The following RAPGEF4 variants were observed in gnomAD, a reference collection of about 807,000 sequenced individuals.
RAPGEF4 encodes the protein RAP guanine-nucleotide-exchange factor (GEF) 4.
Under a neutral mutation model 147.9 loss-of-function variants are expected in RAPGEF4, and 66 were observed. The ratio of observed to expected loss-of-function variants is 0.45; its 90% CI spans 0.37 to 0.55. The LOEUF is 0.55. Among genes scored for constraint, RAPGEF4 ranks in the 20% least tolerant of loss-of-function variants. The pLI is 0.00. For synonymous variants in RAPGEF4, 419 were observed against 442.7 expected (o/e 0.95, Z 0.67); for missense variants, 1,071 against 1,257.3 (o/e 0.85, Z 2.24).
intron 10 of RAPGEF4, among the ~76,000 whole-genome samples, chr2:172,979,627 G>T (rs1426828746): frequency 2.0e-5 from 3 of 152,188 alleles, no homozygotes; most frequent in Non-Finnish European, 4.4e-5. Flanking sequence ...CTCTTGAGAA[G>T]AACAGTCTAG....
intron 1 of RAPGEF4, among the ~76,000 whole-genome samples, chr2:172,779,147 G>T (rs1353793533): frequency 6.6e-6 from 1 of 152,088 alleles, no homozygotes; most frequent in Non-Finnish European, 1.5e-5. Context: ...CGGTACTGGA[G>T]ATACAATTGT....
chr2:172,939,798 T>C (rs193045254), intron 6 of RAPGEF4, among the ~76,000 whole-genome samples: 15 of 152,340 alleles, frequency 9.8e-5, no homozygotes, highest in Admixed American at 1.3e-4. Flanking sequence ...CAGATGTGTG[T>C]ATAAGGCATA....
rs530127930 is a variant in RAPGEF4, at chr2:172,952,642, C to T, written c.538-8118C>T. Among the ~76,000 whole-genome samples the T allele has an allele frequency of 3.9e-5, 6 of 152,262 alleles. No homozygotes were observed. The East Asian group carries it at 1.2e-3, about 29-fold the overall frequency. The stretch of plus-strand genomic sequence containing the variant: ...AGCCAATTTGTAAGGAAAAAATGAA[C>T]TACTTTGTAAGATCTAAAAGAGAAC... On this transcript the variant is annotated intron_variant, in intron 6 of 30. Coordinates refer to ENST00000397081, the MANE Select transcript of RAPGEF4 (RefSeq NM_007023.4).
chr2:172,846,943 C>A (rs1692263902), intron 4 of RAPGEF4, among the ~76,000 whole-genome samples: 1 of 152,184 alleles, frequency 6.6e-6, no homozygotes, highest in Admixed American at 6.5e-5. Flanking sequence ...TTGCATGTCT[C>A]TCCTCCCTTT....
rs558320566 is a variant in RAPGEF4, at chr2:173,016,076, C to T, written c.1810-273C>T. Among the ~76,000 whole-genome samples the T allele has an allele frequency of 2.0e-5, 3 of 152,120 alleles. No homozygotes were observed. In the South Asian group the frequency reaches 6.2e-4, roughly 32 times the overall value. ...TCTAATATAAATTTTCCCATTGTAA[C>T]CATTTTTAGGTGTATAGTTCAGTGG... On this transcript the variant is annotated intron_variant, in intron 18 of 30. Transcript: ENST00000397081.
intron 16 of RAPGEF4, among the ~76,000 whole-genome samples, chr2:172,998,399 G>T (rs2105783941): frequency 6.6e-6 from 1 of 152,320 alleles, no homozygotes; most frequent in Non-Finnish European, 1.5e-5. Context: ...AAGAATTGGG[G>T]TATAGATCTT....
At chr2:172,803,215 G>T (rs761392748) in intron 3 of RAPGEF4, among the ~76,000 whole-genome samples, 1 of 152,144 alleles carries the variant, frequency 6.6e-6, no homozygotes, top group African/African-American at 2.4e-5. Context: ...TTTCCCTTCC[G>T]CACTGCCCTA....
chr2:173,015,153 C>T (rs1272815631), intron 18 of RAPGEF4, among the ~76,000 whole-genome samples: 3 of 152,122 alleles, frequency 2.0e-5, no homozygotes, highest in East Asian at 3.9e-4. Context: ...AATGGGATTA[C>T]TAGATCAAAT....
At position 173,018,647 on chromosome 2, in the gene RAPGEF4, T is replaced by G; in HGVS notation, c.2009-9T>G. ...AGTGATTTACTACCTTGTTACTGCC[T>G]TTGGATAGTTCTGTTTAAGGTCTAT... On this transcript the variant is annotated splice_polypyrimidine_tract_variant and intron_variant, in intron 21 of 30. Transcript: ENST00000397081. The G allele has an allele frequency of 5.6e-6, 9 of 1,610,372 alleles. No individual in the cohort carries two copies. Among genetic ancestry groups the G allele is most frequent in the Non-Finnish European group, 7.6e-6 (9 of 1,178,536 alleles).
intron 7 of RAPGEF4, 74 bp downstream of exon 7, chr2:172,960,887 A>C (rs1412813564): frequency 1.6e-6 from 2 of 1,235,346 alleles, no homozygotes; most frequent in Non-Finnish European, 2.3e-6. Flanking sequence ...TCCATATGTC[A>C]GGGGATCACA....
intron 17 of RAPGEF4, among the ~76,000 whole-genome samples, chr2:173,013,019 A>T (rs1276614076): frequency 6.6e-6 from 1 of 152,254 alleles, no homozygotes; most frequent in African/African-American, 2.4e-5. Context: ...CTGAGAGAGG[A>T]TTGTAGCAAT....
At chr2:172,818,617 A>G (rs1688744669) in intron 4 of RAPGEF4, among the ~76,000 whole-genome samples, 1 of 152,000 alleles carries the variant, frequency 6.6e-6, no homozygotes, top group Non-Finnish European at 1.5e-5. Context: ...CCTTGTAGGT[A>G]CTCTTACTGT....
intron 4 of RAPGEF4, among the ~76,000 whole-genome samples, chr2:172,819,551 C>A (rs571248024): frequency 7.2e-6 from 1 of 139,470 alleles, no homozygotes; most frequent in African/African-American, 2.7e-5. Context: ...CTGCAAGCTC[C>A]GCCTCCCGGG....
At chr2:172,965,386 C>T (rs1429497092) in intron 8 of RAPGEF4, 176 bp from the exon 9 acceptor site, 4 of 716,640 alleles carry the variant, frequency 5.6e-6, no homozygotes, top group Non-Finnish European at 7.1e-6. Flanking sequence ...GCTTTTTTGG[C>T]TTGTATTAGC....
chr2:173,048,454 C>A, intron 29 of RAPGEF4, 146 bp from the exon 30 acceptor site: 1 of 1,436,174 alleles, frequency 7.0e-7, no homozygotes, highest in East Asian at 2.6e-5. Flanking sequence ...AGTTATACAT[C>A]AGCTAGTTGC....
chr2:172,946,091 AT>A (rs1471087342), intron 6 of RAPGEF4, among the ~76,000 whole-genome samples: 2 of 150,906 alleles, frequency 1.3e-5, no homozygotes, highest in African/African-American at 4.9e-5. Context: ...GACAAAAAAA[AT>A]GTTAAATTAT....
chr2:172,996,156 C>G (rs73971808), intron 15 of RAPGEF4, among the ~76,000 whole-genome samples: 2,909 of 152,152 alleles, frequency 0.019, 80 homozygotes, highest in African/African-American at 0.067. Flanking sequence ...CCTTTTTATT[C>G]TCCTTTGGAA....
chr2:172,777,402 G>T (rs1037717656), intron 1 of RAPGEF4, among the ~76,000 whole-genome samples: 1 of 151,784 alleles, frequency 6.6e-6, no homozygotes, highest in Admixed American at 6.6e-5. Flanking sequence ...TTATGTTCTA[G>T]TGGAGACAAT....
chr2:172,763,306 A>G (rs1050979113), intron 1 of RAPGEF4, among the ~76,000 whole-genome samples: 2 of 152,206 alleles, frequency 1.3e-5, no homozygotes, highest in Non-Finnish European at 2.9e-5. Context: ...CCTATTTGTC[A>G]TATATTGAAC....
Sources: allele counts gnomAD v4.1 joint callset (sites outside exome capture counted in the v4.1 genomes callset), GRCh38; gene constraint gnomAD v4.1.1; transcripts MANE v1.5; gene names NCBI Gene and HGNC (gene_info 2026-07-23, HGNC 2026-07-21).